NCAM2: variants seen among roughly 807,000 people sequenced by gnomAD.
NCAM2 encodes the protein neural cell adhesion molecule 2.
Under a neutral mutation model 98.1 loss-of-function variants are expected in NCAM2, and 30 were observed. The observed-to-expected ratio is 0.31, with a 90% CI of 0.23 to 0.41. The LOEUF (loss-of-function observed/expected upper bound fraction) is 0.41. Ranked by LOEUF, NCAM2 falls within the 10% of genes least tolerant of loss-of-function variation. The pLI is 1.00. For missense variants in NCAM2, 867 were observed against 1,005.8 expected (o/e 0.86, Z 1.87); for synonymous variants, 368 against 342.4 (o/e 1.07, Z -0.83).
At chr21:21,155,027 T>C (rs2067570336) in intron 1 of NCAM2, among the ~76,000 whole-genome samples, 1 of 151,524 alleles carries the variant, frequency 6.6e-6, no homozygotes, top group South Asian at 2.1e-4. Context: ...AACAGTTTCA[T>C]ATTGAGAGGA....
intron 9 of NCAM2, among the ~76,000 whole-genome samples, chr21:21,379,825 A>G (rs1488113519): frequency 2.0e-5 from 3 of 151,990 alleles, no homozygotes; most frequent in Admixed American, 6.6e-5. Context: ...GTATATATAT[A>G]TATGAGTTTA....
intron 10 of NCAM2, among the ~76,000 whole-genome samples, chr21:21,414,405 C>A (rs2076945649): frequency 6.6e-6 from 1 of 151,890 alleles, no homozygotes; most frequent in South Asian, 2.1e-4. Flanking sequence ...TTTCCCAGAT[C>A]CGTCAGAGGA....
intron 9 of NCAM2, among the ~76,000 whole-genome samples, chr21:21,403,188 G>C (rs1421769928): frequency 1.3e-5 from 2 of 152,096 alleles, no homozygotes; most frequent in African/African-American, 4.8e-5. Flanking sequence ...CTTGTTGTAA[G>C]ACTTGTGACA....
chr21:21,284,294 G>C lies in NCAM2; in HGVS notation c.231G>C (p.Arg77=). The C allele has an allele frequency of 6.2e-7, 1 of 1,612,056 alleles. No individual in the cohort carries two copies. Among genetic ancestry groups the C allele is most frequent in the Non-Finnish European group, 8.5e-7 (1 of 1,178,420 alleles). The change falls in exon 3 of 18, where the codon CGG becomes CGC. Residue 77 remains arginine, a synonymous_variant. Transcript: ENST00000400546. ...TGCAAAAGGAAGGTGTTAGGTCACG[G>C]TTAACCATCTACAATGCAAATATAG... The part of the protein sequence containing the change: ...VVVQKEGVRS[R]LTIYNANIED...
At chr21:21,244,844 T>TAAAAAAA (rs11410837) in intron 1 of NCAM2, among the ~76,000 whole-genome samples, 1 of 99,942 alleles carries the variant, frequency 1.0e-5, no homozygotes, top group African/African-American at 4.0e-5. Flanking sequence ...AGACTCTGTC[T>TAAAAAAA]AAAAAAAAAA....
At chr21:21,072,598 A>G (rs961101293) in intron 1 of NCAM2, among the ~76,000 whole-genome samples, 1 of 152,138 alleles carries the variant, frequency 6.6e-6, no homozygotes, top group African/African-American at 2.4e-5. Context: ...TACCATCTAC[A>G]AAGGGAAATG....
intron 15 of NCAM2, among the ~76,000 whole-genome samples, chr21:21,488,406 A>G (rs1986572848): frequency 6.6e-6 from 1 of 152,072 alleles, no homozygotes; most frequent in Non-Finnish European, 1.5e-5. Flanking sequence ...TTAGTCATTT[A>G]TGTTAAATGA....
At chr21:21,390,096 C>T (rs2076349713) in intron 9 of NCAM2, among the ~76,000 whole-genome samples, 1 of 152,172 alleles carries the variant, frequency 6.6e-6, no homozygotes, top group East Asian at 1.9e-4. Flanking sequence ...GATCCACCCT[C>T]CTCGGCCTCC....
intron 1 of NCAM2, among the ~76,000 whole-genome samples, chr21:21,083,748 T>C (rs2065856334): frequency 6.6e-6 from 1 of 152,150 alleles, no homozygotes; most frequent in Admixed American, 6.5e-5. Flanking sequence ...TTTGAGATAA[T>C]TATGGATTCA....
At chr21:21,120,951 C>T (rs950105243) in intron 1 of NCAM2, among the ~76,000 whole-genome samples, 16 of 152,128 alleles carry the variant, frequency 1.1e-4, no homozygotes, top group African/African-American at 3.9e-4. Flanking sequence ...CTCCTGACCT[C>T]ATGATCCACC....
chr21:21,341,580 A>G (rs1468096901), intron 8 of NCAM2, among the ~76,000 whole-genome samples: 2 of 152,210 alleles, frequency 1.3e-5, no homozygotes, highest in African/African-American at 4.8e-5. Context: ...ATAGATCAAA[A>G]ATAGTGAAAT....
rs903664654 is a variant in NCAM2, at chr21:21,368,353, G to A, written c.1045-5510G>A. Among the ~76,000 whole-genome samples, 14 of 151,780 alleles carry A rather than the reference G, an allele frequency of 9.2e-5. No individual in the cohort carries two copies. In the South Asian group the frequency reaches 2.9e-3, roughly 32 times the overall value. The stretch of plus-strand genomic sequence containing the variant: ...TTCACTTCCACCTTAATATATTTCT[G>A]GAATCCACTCACTCTTTTCCATTTT... On this transcript the variant is annotated intron_variant, in intron 8 of 17. Coordinates refer to ENST00000400546, the MANE Select transcript of NCAM2 (RefSeq NM_004540.5).
intron 1 of NCAM2, among the ~76,000 whole-genome samples, chr21:21,094,645 A>T (rs2066080855): frequency 6.6e-6 from 1 of 151,808 alleles, no homozygotes; most frequent in Non-Finnish European, 1.5e-5. Flanking sequence ...ACATTTCTAA[A>T]TACGTTCTCA....
chr21:21,447,602 C>T (rs1034475121), intron 12 of NCAM2, among the ~76,000 whole-genome samples: 7 of 152,048 alleles, frequency 4.6e-5, no homozygotes, highest in Non-Finnish European at 8.8e-5. Context: ...TCAGAGTGAA[C>T]AGGCAACCTA....
intron 1 of NCAM2, among the ~76,000 whole-genome samples, chr21:21,156,579 TATAGATAGATAG>T (rs10654392): frequency 4.7e-5 from 7 of 148,766 alleles, no homozygotes; most frequent in East Asian, 4.0e-4. Context: ...ATAGATAGAT[TATAGATAGATAG>T]ATAGATAGAT....
chr21:21,301,286 G>T (rs1416893874), intron 5 of NCAM2, among the ~76,000 whole-genome samples: 2 of 151,856 alleles, frequency 1.3e-5, no homozygotes, highest in African/African-American at 4.8e-5. Flanking sequence ...TGTTTCTGGG[G>T]ACTCAGCCAA....
chr21:21,339,798 T>A lies in NCAM2; in HGVS notation c.1044+1264T>A, dbSNP rs184682929. On this transcript the variant is annotated intron_variant, in intron 8 of 17. Transcript: ENST00000400546. Reference sequence around the variant, plus strand: ...CCAAAAAAGTAACTTCTCTGGTCAATTTATTACTTTCCTTTTGAAAGACTG... The same window carrying A: ...CCAAAAAAGTAACTTCTCTGGTCAAATTATTACTTTCCTTTTGAAAGACTG... Among the ~76,000 whole-genome samples the A allele has an allele frequency of 1.1e-4, 17 of 152,076 alleles. No individual in the cohort carries two copies. In the East Asian group the frequency reaches 3.3e-3, roughly 29 times the overall value.
At chr21:21,363,224 C>G (rs757917486) in intron 8 of NCAM2, among the ~76,000 whole-genome samples, 2 of 152,026 alleles carry the variant, frequency 1.3e-5, no homozygotes, top group Non-Finnish European at 2.9e-5. Context: ...AGCAATGAAA[C>G]TGCATGCTTT....
intron 5 of NCAM2, among the ~76,000 whole-genome samples, chr21:21,298,588 C>CAGACAGACAGATAGATAGAT (rs34936749): frequency 6.8e-6 from 1 of 147,538 alleles, no homozygotes; most frequent in African/African-American, 2.5e-5. Flanking sequence ...ATGATAGATA[C>CAGACAGACAGATAGATAGAT]AGATAGATAG....
Sources: gnomAD v4.1 joint callset for allele counts (sites outside exome capture counted in the v4.1 genomes callset) on GRCh38, gnomAD v4.1.1 for gene constraint, MANE v1.5 for transcripts, NCBI Gene and HGNC (gene_info 2026-07-23, HGNC 2026-07-21) for gene names.